The following SEMA3A variants were observed in gnomAD, a reference collection of about 807,000 sequenced individuals.
SEMA3A encodes semaphorin-3A.
Under a neutral mutation model 97.9 loss-of-function variants are expected in SEMA3A, and 29 were observed. The observed-to-expected ratio is 0.30, with a 90% CI of 0.22 to 0.40. The LOEUF (loss-of-function observed/expected upper bound fraction) is 0.40. Among genes scored for constraint, SEMA3A ranks in the 10% least tolerant of loss-of-function variants. SEMA3A has a pLI of 1.00. For missense variants in SEMA3A, 763 were observed against 951.3 expected, an observed-to-expected ratio of 0.80 and a Z score of 2.60; for synonymous variants, 321 against 323.7, an observed-to-expected ratio of 0.99 and a Z score of 0.09.
chr7:84,465,629 C>T (rs930191153), intron 1 of SEMA3A, among the ~76,000 whole-genome samples: 6 of 152,132 alleles, frequency 3.9e-5, no homozygotes, highest in African/African-American at 1.4e-4. Flanking sequence ...CAACATACAA[C>T]AAATAAAATA....
At chr7:84,147,423 G>A (rs927809082) in intron 1 of SEMA3A, among the ~76,000 whole-genome samples, 1 of 152,174 alleles carries the variant, frequency 6.6e-6, no homozygotes, top group Non-Finnish European at 1.5e-5. Flanking sequence ...ATCTGTATGA[G>A]TGCAAACATA....
chr7:84,108,777 C>T (rs1795190318), intron 4 of SEMA3A, among the ~76,000 whole-genome samples: 1 of 151,890 alleles, frequency 6.6e-6, no homozygotes, highest in African/African-American at 2.4e-5. Flanking sequence ...TGTCGGCTTG[C>T]ACCTGTAATC....
intron 6 of SEMA3A, among the ~76,000 whole-genome samples, chr7:84,037,676 A>G (rs993035497): frequency 6.6e-6 from 1 of 152,126 alleles, no homozygotes; most frequent in Admixed American, 6.6e-5. Flanking sequence ...TCTAATGACA[A>G]AACTGCACCC....
intron 1 of SEMA3A, among the ~76,000 whole-genome samples, chr7:84,390,305 T>C (rs987447330): frequency 3.4e-5 from 5 of 148,612 alleles, no homozygotes; most frequent in Non-Finnish European, 4.5e-5. Context: ...AGATTTTTTT[T>C]TTTAATTGAA....
At chr7:84,364,807 C>T (rs917180464) in intron 2 of SEMA3A, among the ~76,000 whole-genome samples, 2 of 149,612 alleles carry the variant, frequency 1.3e-5, no homozygotes, top group African/African-American at 4.9e-5. Context: ...GGCCCTGAGG[C>T]CGTAGAGAGA....
At chr7:83,969,358 A>G (rs1788834276) in intron 15 of SEMA3A, among the ~76,000 whole-genome samples, 2 of 151,630 alleles carry the variant, frequency 1.3e-5, no homozygotes, top group Non-Finnish European at 2.9e-5. Context: ...TATATTGCCA[A>G]AAAAAATCTC....
intron 1 of SEMA3A, among the ~76,000 whole-genome samples, chr7:84,460,471 A>C (rs1449113058): frequency 6.6e-6 from 1 of 152,144 alleles, no homozygotes; most frequent in African/African-American, 2.4e-5. Flanking sequence ...CATGCAACTT[A>C]AAGGTTATTA....
intron 3 of SEMA3A, among the ~76,000 whole-genome samples, chr7:84,225,658 G>A (rs1798973990): frequency 6.6e-6 from 1 of 151,986 alleles, no homozygotes; most frequent in Admixed American, 6.6e-5. Flanking sequence ...CAATCACCCC[G>A]AGGGCCAAAT....
intron 2 of SEMA3A, among the ~76,000 whole-genome samples, chr7:84,132,348 G>GA (rs1442830619): frequency 6.6e-6 from 1 of 151,620 alleles, no homozygotes; most frequent in African/African-American, 2.4e-5. Flanking sequence ...TTTGGTAAAA[G>GA]ATACTGTGAT....
intron 3 of SEMA3A, among the ~76,000 whole-genome samples, chr7:84,219,791 C>T (rs2116334311): frequency 6.6e-6 from 1 of 152,300 alleles, no homozygotes; most frequent in Non-Finnish European, 1.5e-5. Flanking sequence ...ACAGCACTTG[C>T]TGCTTCAACT....
chr7:84,444,601 T>G (rs1392294380), intron 1 of SEMA3A, among the ~76,000 whole-genome samples: 2 of 150,386 alleles, frequency 1.3e-5, no homozygotes, highest in Admixed American at 1.3e-4. Flanking sequence ...TGGCTCTGTC[T>G]CCCAGTCTGG....
chr7:84,413,846 A>T (rs1018624780), intron 1 of SEMA3A, among the ~76,000 whole-genome samples: 2 of 152,138 alleles, frequency 1.3e-5, no homozygotes, highest in Admixed American at 1.3e-4. Context: ...AATAACTAAG[A>T]TTTACAAATC....
chr7:84,141,924 A>T (rs1562808617), intron 1 of SEMA3A, among the ~76,000 whole-genome samples: 1 of 152,168 alleles, frequency 6.6e-6, no homozygotes, highest in Non-Finnish European at 1.5e-5. Context: ...AAAGAACAAG[A>T]TGCATGTACT....
chr7:84,008,262 C>T (rs966834156), intron 9 of SEMA3A, among the ~76,000 whole-genome samples: 4 of 152,144 alleles, frequency 2.6e-5, no homozygotes, highest in East Asian at 1.9e-4. Flanking sequence ...GAGGCCAAGG[C>T]GGGCGGATCA....
At chr7:84,276,122 C>T (rs985576359) in intron 3 of SEMA3A, among the ~76,000 whole-genome samples, 13 of 151,936 alleles carry the variant, frequency 8.6e-5, no homozygotes, top group Non-Finnish European at 1.8e-4. Flanking sequence ...TTGATATTTA[C>T]CCAACATCTA....
chr7:84,103,425 T>C (rs1351688056), intron 4 of SEMA3A, among the ~76,000 whole-genome samples: 1 of 152,166 alleles, frequency 6.6e-6, no homozygotes, highest in Non-Finnish European at 1.5e-5. Flanking sequence ...ATTATGACTG[T>C]GGGATAGCCA....
At chr7:84,155,743 A>G (rs1373956606) in intron 1 of SEMA3A, among the ~76,000 whole-genome samples, 2 of 152,278 alleles carry the variant, frequency 1.3e-5, no homozygotes, top group Middle Eastern at 3.4e-3. Flanking sequence ...AGCTGCTGAG[A>G]TTTTTTTAAA....
intron 4 of SEMA3A, among the ~76,000 whole-genome samples, chr7:84,062,437 C>A: frequency 6.6e-6 from 1 of 152,202 alleles, no homozygotes; most frequent in Admixed American, 6.5e-5. Context: ...CGAATAGGAA[C>A]AGCTCCGGTC....
At chr7:84,238,045 T>C (rs1799276085) in intron 3 of SEMA3A, among the ~76,000 whole-genome samples, 1 of 151,966 alleles carries the variant, frequency 6.6e-6, no homozygotes, top group Admixed American at 6.6e-5. Flanking sequence ...TGGGGAACAA[T>C]AGATGAGAGT....
Sources: allele counts gnomAD v4.1 joint callset (sites outside exome capture counted in the v4.1 genomes callset), GRCh38; gene constraint gnomAD v4.1.1; transcripts MANE v1.5; gene names NCBI Gene and HGNC (gene_info 2026-07-23, HGNC 2026-07-21).